The following LRBA variants were observed in gnomAD, a reference collection of about 807,000 sequenced individuals.
LRBA encodes LPS responsive beige-like anchor protein.
Under a neutral mutation model 330.0 loss-of-function variants are expected in LRBA, and 176 were observed. The observed-to-expected ratio is 0.53, with a 90% CI of 0.47 to 0.60. The LOEUF (loss-of-function observed/expected upper bound fraction) is 0.60. Among genes scored for constraint, LRBA ranks in the 20% least tolerant of loss-of-function variants. LRBA has a pLI of 0.00. For missense variants in LRBA, 3,259 were observed against 3,444.8 expected (o/e 0.95, Z 1.35); for synonymous variants, 1,230 against 1,193.0 (o/e 1.03, Z -0.64).
In LRBA at chr4:150,401,165, C is replaced by T. The variant is rs1489347915; in HGVS notation, c.7194+14273G>A. On this transcript the variant is annotated intron_variant, in intron 47 of 56. Coordinates refer to ENST00000651943, the MANE Select transcript of LRBA (RefSeq NM_001364905.1). The stretch of plus-strand genomic sequence containing the variant: ...GCAATTGAAGGACCTATCAGAAGCT[C>T]GGAGAGAGGCCTGGAACAGATCCTT... 2.0e-5 allele frequency among the ~76,000 whole-genome samples: 3 copies of T among 152,206 alleles called. No individual in the cohort carries two copies. The East Asian group carries it at 5.8e-4, about 29-fold the overall frequency.
At position 150,989,765 on chromosome 4, in the gene LRBA, C is replaced by T. The variant is rs565947066; in HGVS notation, c.216+24662G>A. Among the ~76,000 whole-genome samples, 3 of 151,630 alleles carry T rather than the reference C, an allele frequency of 2.0e-5. No homozygotes were observed. The East Asian group carries it at 5.8e-4, about 29-fold the overall frequency. On this transcript the variant is annotated intron_variant, in intron 2 of 56. Transcript: ENST00000651943. Reference sequence around the variant, plus strand: ...GAAAGAAGGAAATAAAAAAGGAAGACAATGACTGGTAAAGGGGGTAAAAAA... The same window carrying T: ...GAAAGAAGGAAATAAAAAAGGAAGATAATGACTGGTAAAGGGGGTAAAAAA...
intron 34 of LRBA, among the ~76,000 whole-genome samples, chr4:150,790,643 C>A (rs1270812710): frequency 6.6e-6 from 1 of 152,124 alleles, no homozygotes. Context: ...TAAAATAGTT[C>A]ATGCATCTAA....
chr4:150,924,731 A>G (rs1733702024), intron 4 of LRBA, among the ~76,000 whole-genome samples: 2 of 152,208 alleles, frequency 1.3e-5, no homozygotes, highest in Admixed American at 1.3e-4. Context: ...ATAACTAAAT[A>G]AACGTAATGA....
chr4:150,730,696 GAAAGA>G (rs376595505), intron 36 of LRBA, among the ~76,000 whole-genome samples: 3 of 134,352 alleles, frequency 2.2e-5, no homozygotes, highest in African/African-American at 8.5e-5. Flanking sequence ...AAAAAAAAAA[GAAAGA>G]AAAGAAAAGA....
At chr4:150,928,464 T>G in intron 4 of LRBA, 52 bp downstream of exon 4, 1 of 1,056,190 alleles carries the variant, frequency 9.5e-7, no homozygotes, top group South Asian at 1.3e-5. Flanking sequence ...GCTACGAATG[T>G]GTTTGGGAGG....
intron 2 of LRBA, among the ~76,000 whole-genome samples, chr4:150,945,415 G>T (rs1357288154): frequency 1.3e-5 from 2 of 152,162 alleles, no homozygotes; most frequent in Non-Finnish European, 2.9e-5. Context: ...GGCATGCCAC[G>T]ATGTTCAAGA....
chr4:150,653,364 T>G (rs1779886096), intron 37 of LRBA, among the ~76,000 whole-genome samples: 1 of 152,198 alleles, frequency 6.6e-6, no homozygotes, highest in African/African-American at 2.4e-5. Flanking sequence ...GATTTAAACA[T>G]AATTTGCCAT....
intron 40 of LRBA, among the ~76,000 whole-genome samples, chr4:150,493,121 C>G (rs903122961): frequency 1.3e-5 from 2 of 152,154 alleles, no homozygotes; most frequent in African/African-American, 2.4e-5. Flanking sequence ...GCTGGGACTA[C>G]AAGCACGTGC....
At chr4:150,694,903 G>T (rs1200230569) in intron 36 of LRBA, among the ~76,000 whole-genome samples, 1 of 151,724 alleles carries the variant, frequency 6.6e-6, no homozygotes, top group African/African-American at 2.4e-5. Flanking sequence ...TAAAAAACTT[G>T]TTTCAAATGC....
chr4:150,563,185 T>C (rs1028617994), intron 40 of LRBA, among the ~76,000 whole-genome samples: 1 of 152,134 alleles, frequency 6.6e-6, no homozygotes, highest in Non-Finnish European at 1.5e-5. Flanking sequence ...TTACTAGTAT[T>C]AGCATCACAT....
At chr4:150,692,657 A>G (rs1490461701) in intron 36 of LRBA, among the ~76,000 whole-genome samples, 1 of 152,212 alleles carries the variant, frequency 6.6e-6, no homozygotes, top group Non-Finnish European at 1.5e-5. Flanking sequence ...AACCAATAAG[A>G]AACTGGGTAA....
chr4:150,377,014 G>A (rs1741439938), intron 47 of LRBA, among the ~76,000 whole-genome samples: 2 of 151,988 alleles, frequency 1.3e-5, no homozygotes, highest in South Asian at 4.1e-4. Context: ...AGAAAAAGAG[G>A]CTGGGTGTGG....
At chr4:150,743,574 G>C (rs1259405762) in intron 35 of LRBA, among the ~76,000 whole-genome samples, 2 of 152,152 alleles carry the variant, frequency 1.3e-5, no homozygotes, top group Non-Finnish European at 2.9e-5. Context: ...AGCAAATTAA[G>C]GCCTGTGTGC....
intron 40 of LRBA, among the ~76,000 whole-genome samples, chr4:150,544,915 G>A (rs1765700328): frequency 6.6e-6 from 1 of 152,130 alleles, no homozygotes; most frequent in Admixed American, 6.5e-5. Flanking sequence ...ATTGCAATTT[G>A]TTTCTACACT....
In LRBA at chr4:150,735,292, C is replaced by T; in HGVS notation, c.5720G>A (p.Arg1907Lys). 1 of 1,613,848 alleles carries T rather than the reference C, an allele frequency of 6.2e-7. No homozygotes were observed. Among genetic ancestry groups the T allele is most frequent in the South Asian group, 1.1e-5 (1 of 91,074 alleles). The change falls in exon 36 of 57, where the codon AGA becomes AAA. Residue 1907 changes from arginine to lysine, a missense_variant. By Grantham distance (26) the Arg-to-Lys change is conservative (BLOSUM62 2). Transcript: ENST00000651943. ...NEAEFILSRQ[R>K]AEDIHRHAEF... is the part of the protein sequence containing the mutation. Reference sequence around the variant, plus strand: ...CGCATGTCTGTGAATATCTTCTGCTCTCTGCCTGCTCAGGATAAATTCAGC... The same window carrying T: ...CGCATGTCTGTGAATATCTTCTGCTTTCTGCCTGCTCAGGATAAATTCAGC...
intron 36 of LRBA, among the ~76,000 whole-genome samples, chr4:150,709,681 G>T (rs1785988819): frequency 6.6e-6 from 1 of 151,986 alleles, no homozygotes; most frequent in East Asian, 1.9e-4. Flanking sequence ...TAGACATAGA[G>T]TTCTTACCTT....
At chr4:150,701,563 C>T (rs1785125760) in intron 36 of LRBA, among the ~76,000 whole-genome samples, 1 of 152,122 alleles carries the variant, frequency 6.6e-6, no homozygotes. Context: ...CTCATAGGAC[C>T]ACCACTGTAC....
intron 39 of LRBA, among the ~76,000 whole-genome samples, chr4:150,589,040 T>TACACACACACACAC (rs10637563): frequency 2.8e-4 from 41 of 146,850 alleles, no homozygotes; most frequent in African/African-American, 9.2e-4. Context: ...TGTGTGTGTA[T>TACACACACACACAC]ACACACACAC....
rs868024600 is a variant in LRBA at position 150,705,543 on chromosome 4, A to T, written c.5755-21826T>A. 3.9e-5 allele frequency among the ~76,000 whole-genome samples: 6 copies of T among 152,088 alleles called. 1 individual carries two copies. The highest frequency in any genetic ancestry group is 2.1e-4 in the South Asian group (1 of 4,834). The stretch of plus-strand genomic sequence containing the variant: ...CTCACAAATGACTAAGATTGCATAG[A>T]AAGTTAAAACAACCACAACCCAATT... On this transcript the variant is annotated intron_variant, in intron 36 of 56. Coordinates refer to ENST00000651943, the MANE Select transcript of LRBA (RefSeq NM_001364905.1).
Sources: allele counts gnomAD v4.1 joint callset (sites outside exome capture counted in the v4.1 genomes callset), GRCh38; gene constraint gnomAD v4.1.1; transcripts MANE v1.5; gene names NCBI Gene and HGNC (gene_info 2026-07-23, HGNC 2026-07-21).